Variants in TRNAU1AP observed in about 807,000 individuals in gnomAD.
TRNAU1AP encodes the protein tRNA selenocysteine 1-associated protein 1.
A neutral mutation model predicts 43.3 loss-of-function variants in TRNAU1AP; 33 were observed. The observed-to-expected ratio is 0.76, with a 90% CI of 0.58 to 1.02. The LOEUF is 1.02. TRNAU1AP is among the 50% of genes least tolerant of loss of function. TRNAU1AP has a pLI of 0.00. For missense variants in TRNAU1AP, 290 were observed against 362.7 expected (o/e 0.80, Z 1.63); for synonymous variants, 143 against 129.1 (o/e 1.11, Z -0.73).
Position 28,578,382 on chromosome 1 carries a change from G to GAACT in TRNAU1AP, c.*746_*747insAACT. On this transcript the variant is annotated 3_prime_UTR_variant, in exon 9 of 9. Transcript: ENST00000373830. ...AACTGTCCAACCTTGTCATGTGTTG[G>GAACT]GACTTACTGCTTGAGGCAAAGCATT... 5.6e-6 allele frequency: 1 copy of GAACT among 178,686 alleles called. No homozygotes were observed. The highest frequency in any genetic ancestry group is 8.9e-5 in the South Asian group (1 of 11,278). The allele number at this position is 178,686 out of a possible 1,614,324, so 11.1% of individuals were successfully genotyped here.
In TRNAU1AP at chr1:28,554,686, C is replaced by CA. The variant is rs1484742882; in HGVS notation, c.125+957dup. 2.1e-4 allele frequency among the ~76,000 whole-genome samples: 32 copies of CA among 151,018 alleles called. 1 individual carries two copies. The East Asian group carries it at 4.3e-3, about 20-fold the overall frequency. ...TGAAACCCCATCTCTACTAAAAATACAAAAAAAATTAGCTGGGCATGGTGG... is the reference window on the plus strand; with the variant it reads ...TGAAACCCCATCTCTACTAAAAATACAAAAAAAAATTAGCTGGGCATGGTGG... On this transcript the variant is annotated intron_variant, in intron 2 of 8. Transcript: ENST00000373830.
chr1:28,565,828 A>G (rs896602340), intron 5 of TRNAU1AP: 1 of 152,144 alleles, frequency 6.6e-6, no homozygotes, highest in African/African-American at 2.4e-5. Context: ...AAGAACCTCA[A>G]GAAAGGCTCA....
intron 2 of TRNAU1AP, among the ~76,000 whole-genome samples, chr1:28,556,184 G>A (rs1239188827): frequency 6.6e-6 from 1 of 151,802 alleles, no homozygotes; most frequent in Non-Finnish European, 1.5e-5. Flanking sequence ...GGCATAGGCT[G>A]GGCACGGTAG....
rs758543320 is a variant in TRNAU1AP at position 28,560,677 on chromosome 1, C to G, written c.170C>G (p.Thr57Arg). ...YCFVEFADLA[T>R]AEKCLHKING... ...TTTGTAGAATTTGCAGATTTGGCCA[C>G]AGCTGAGAAGTGTTTGCATAAAATT... The change falls in exon 3 of 9, where the codon ACA (threonine) becomes AGA (arginine). Residue 57 changes from threonine to arginine, a missense_variant. Physicochemically the swap from Thr to Arg is moderately conservative, Grantham distance 71. Coordinates refer to ENST00000373830, the MANE Select transcript of TRNAU1AP (RefSeq NM_017846.5). The G allele has an allele frequency of 6.2e-7, 1 of 1,614,146 alleles. No individual in the cohort carries two copies.
chr1:28,578,060 G>C lies in TRNAU1AP; in HGVS notation c.*424G>C, dbSNP rs1665843268. 1 of 161,160 alleles carries C rather than the reference G, an allele frequency of 6.2e-6. No individual in the cohort carries two copies. The highest frequency in any genetic ancestry group is 1.7e-4 in the South Asian group (1 of 5,860). 10.0% of individuals were successfully genotyped at this position (161,160 alleles called of 1,614,324 possible). ...TAACTTGGTGCAAGTCTGGCAGCTA[G>C]GTAGAAAAGGCACTCTAGCAGGTGT... On this transcript the variant is annotated 3_prime_UTR_variant, in exon 9 of 9. Transcript: ENST00000373830.
At chr1:28,560,512 G>A in intron 2 of TRNAU1AP, 121 bp from the exon 3 acceptor site, 2 of 708,336 alleles carry the variant, frequency 2.8e-6, no homozygotes, top group South Asian at 3.8e-5. Flanking sequence ...CTGACCTTCA[G>A]TGATCCACCT....
At chr1:28,560,798 A>G in intron 3 of TRNAU1AP, 66 bp downstream of exon 3, 1 of 1,294,054 alleles carries the variant, frequency 7.7e-7, no homozygotes, top group Non-Finnish European at 1.1e-6. Context: ...CATCTATTGA[A>G]TCCCTACTGT....
At chr1:28,565,514 A>T (rs1164487001) in intron 5 of TRNAU1AP, 5 of 151,478 alleles carry the variant, frequency 3.3e-5, no homozygotes, top group African/African-American at 1.2e-4. Context: ...TTGGCCCGGC[A>T]TGGTGGCTCA....
At chr1:28,567,504 A>AT (rs1321083305) in intron 6 of TRNAU1AP, 91 bp downstream of exon 6, 6 of 1,423,424 alleles carry the variant, frequency 4.2e-6, no homozygotes, top group Non-Finnish European at 4.7e-6. Flanking sequence ...CATACGCTGG[A>AT]TGGGAGGCTG....
rs529060916 is a variant in TRNAU1AP at position 28,557,981 on chromosome 1, C to T, written c.126-2652C>T. 4.6e-5 allele frequency among the ~76,000 whole-genome samples: 7 copies of T among 150,810 alleles called. No homozygotes were observed. In the South Asian group the frequency reaches 1.1e-3, roughly 23 times the overall value. On this transcript the variant is annotated intron_variant, in intron 2 of 8. Transcript: ENST00000373830. Reference sequence around the variant, plus strand: ...AATGATCTCGACTCACTGCAACCTCCACCTCCCAAATTCAAGCAGTTCTCC... The same window carrying T: ...AATGATCTCGACTCACTGCAACCTCTACCTCCCAAATTCAAGCAGTTCTCC...
intron 2 of TRNAU1AP, among the ~76,000 whole-genome samples, chr1:28,557,195 G>A (rs1044770325): frequency 2.0e-5 from 3 of 151,374 alleles, no homozygotes; most frequent in African/African-American, 7.3e-5. Context: ...CGAGGCAGGC[G>A]GATCACGAGG....
intron 3 of TRNAU1AP, chr1:28,561,025 C>G (rs749592857): frequency 5.0e-5 from 67 of 1,339,788 alleles, no homozygotes; most frequent in Non-Finnish European, 6.2e-5. Context: ...ACTTGAAACT[C>G]TAGACCTCTT....
intron 6 of TRNAU1AP, among the ~76,000 whole-genome samples, chr1:28,569,318 C>T (rs2124208750): frequency 6.6e-6 from 1 of 152,194 alleles, no homozygotes; most frequent in Non-Finnish European, 1.5e-5. Context: ...TTGATTGAGC[C>T]TAGGAGTTCA....
chr1:28,556,746 C>T lies in TRNAU1AP; in HGVS notation c.125+3009C>T, dbSNP rs182988377. Among the ~76,000 whole-genome samples, 4 of 152,066 alleles carry T rather than the reference C, an allele frequency of 2.6e-5. No individual in the cohort carries two copies. The East Asian group carries it at 7.8e-4, about 30-fold the overall frequency. On this transcript the variant is annotated intron_variant, in intron 2 of 8. Transcript: ENST00000373830. ...TCACCCAGGCAGGAGTGCAGTGGTG[C>T]GATCTCAGCTCACTGCAACCTCTGC... is the stretch of plus-strand genomic sequence containing the variant.
intron 2 of TRNAU1AP, 116 bp downstream of exon 2, chr1:28,553,853 T>C (rs887893142): frequency 2.2e-6 from 2 of 918,708 alleles, no homozygotes; most frequent in Admixed American, 4.4e-5. Context: ...TGTAAAATTA[T>C]AACAGCTAAC....
chr1:28,566,399 C>T (rs1425038308), intron 5 of TRNAU1AP, among the ~76,000 whole-genome samples: 2 of 151,202 alleles, frequency 1.3e-5, no homozygotes, highest in African/African-American at 2.4e-5. Flanking sequence ...AGATGGATCA[C>T]CTGAGGTCAG....
At chr1:28,555,527 C>G (rs1450115305) in intron 2 of TRNAU1AP, among the ~76,000 whole-genome samples, 1 of 149,448 alleles carries the variant, frequency 6.7e-6, no homozygotes, top group Non-Finnish European at 1.5e-5. Context: ...CGGAGTCTCG[C>G]TCTGTCACTA....
At chr1:28,560,518 C>T (rs975818116) in intron 2 of TRNAU1AP, 115 bp from the exon 3 acceptor site, 12 of 737,470 alleles carry the variant, frequency 1.6e-5, no homozygotes, top group African/African-American at 7.0e-5. Context: ...TTCAGTGATC[C>T]ACCTGCCTTG....
chr1:28,560,489 C>T lies in TRNAU1AP; in HGVS notation c.126-144C>T, dbSNP rs1401782836. ...TAGAGATGGTGTTTCAGCATGTTGT[C>T]CAGGCTGGTCTCCTGACCTTCAGTG... On this transcript the variant is annotated intron_variant, in intron 2 of 8. Coordinates refer to ENST00000373830, the MANE Select transcript of TRNAU1AP (RefSeq NM_017846.5). The T allele has an allele frequency of 4.9e-6, 3 of 617,682 alleles. No individual in the cohort carries two copies. In the African/African-American group the frequency reaches 5.6e-5, roughly 11 times the overall value. The allele number at this position is 617,682 out of a possible 1,614,324, so 38.3% of individuals were successfully genotyped here.
Sources: allele counts gnomAD v4.1 joint callset (sites outside exome capture counted in the v4.1 genomes callset), GRCh38; gene constraint gnomAD v4.1.1; transcripts MANE v1.5; gene names NCBI Gene and HGNC (gene_info 2026-07-23, HGNC 2026-07-21).